The following PTPRD variants were observed in gnomAD, a reference collection of about 807,000 sequenced individuals.
PTPRD encodes the protein receptor-type tyrosine-protein phosphatase delta.
PTPRD carries 34 observed loss-of-function variants against 214.5 expected under a neutral mutation model. That is an observed-to-expected ratio of 0.16 (90% CI 0.12 to 0.21). The LOEUF (loss-of-function observed/expected upper bound fraction) is 0.21. PTPRD is among the 10% of genes least tolerant of loss of function. PTPRD has a pLI of 1.00. For missense variants in PTPRD, 2,545 were observed against 2,398.7 expected (o/e 1.06, Z -1.27); for synonymous variants, 1,128 against 845.7 (o/e 1.33, Z -5.79).
At chr9:9,120,388 G>C (rs2099816487) in intron 10 of PTPRD, among the ~76,000 whole-genome samples, 1 of 152,164 alleles carries the variant, frequency 6.6e-6, no homozygotes, top group Admixed American at 6.6e-5. Context: ...GCTCTAAAAA[G>C]AACCTCCAAG....
intron 11 of PTPRD, among the ~76,000 whole-genome samples, chr9:8,764,038 TA>T (rs1738883365): frequency 6.6e-6 from 1 of 152,204 alleles, no homozygotes; most frequent in African/African-American, 2.4e-5. Flanking sequence ...ATGCAAATAT[TA>T]TAAGTGAAGG....
At chr9:8,511,431 AT>A (rs33920439) in intron 21 of PTPRD, among the ~76,000 whole-genome samples, 181 of 146,622 alleles carry the variant, frequency 1.2e-3, no homozygotes, top group African/African-American at 2.3e-3. Context: ...TCTCACTGGT[AT>A]TTTTTTTTTT....
intron 2 of PTPRD, among the ~76,000 whole-genome samples, chr9:10,527,746 A>G (rs2054750896): frequency 6.6e-6 from 1 of 152,142 alleles, no homozygotes. Flanking sequence ...TTGCTTTCTA[A>G]GTTTATGTAA....
chr9:8,688,292 C>T (rs915860957), intron 12 of PTPRD, among the ~76,000 whole-genome samples: 1 of 152,092 alleles, frequency 6.6e-6, no homozygotes, highest in African/African-American at 2.4e-5. Flanking sequence ...TATAGCCAGG[C>T]GTGGTGGCTG....
At chr9:9,216,712 C>A (rs2099952520) in intron 9 of PTPRD, among the ~76,000 whole-genome samples, 2 of 152,218 alleles carry the variant, frequency 1.3e-5, no homozygotes, top group Admixed American at 6.5e-5. Flanking sequence ...CCTTATCTTT[C>A]TTTTTCTTCT....
intron 3 of PTPRD, among the ~76,000 whole-genome samples, chr9:10,132,047 G>C (rs1564015808): frequency 6.6e-6 from 1 of 152,096 alleles, no homozygotes; most frequent in Non-Finnish European, 1.5e-5. Context: ...AGTAGACAAT[G>C]ATATAGAGTA....
At chr9:9,469,312 C>T (rs1363804180) in intron 8 of PTPRD, among the ~76,000 whole-genome samples, 1 of 152,064 alleles carries the variant, frequency 6.6e-6, no homozygotes, top group African/African-American at 2.4e-5. Context: ...GGATAGTTCT[C>T]ATTTAGAAAT....
At chr9:9,579,788 T>C (rs146992020) in intron 7 of PTPRD, among the ~76,000 whole-genome samples, 3 of 152,258 alleles carry the variant, frequency 2.0e-5, no homozygotes, top group Non-Finnish European at 2.9e-5. Flanking sequence ...GGGCTTTTAG[T>C]ATGTCCTTTA....
At chr9:8,943,603 T>C (rs1588551394) in intron 11 of PTPRD, among the ~76,000 whole-genome samples, 1 of 151,100 alleles carries the variant, frequency 6.6e-6, no homozygotes, top group African/African-American at 2.4e-5. Flanking sequence ...TAACCAATTA[T>C]ATTTAATAAT....
intron 9 of PTPRD, among the ~76,000 whole-genome samples, chr9:9,326,661 G>C (rs2040051621): frequency 6.6e-6 from 1 of 150,736 alleles, no homozygotes; most frequent in South Asian, 2.1e-4. Context: ...TTTTTTAAAT[G>C]AGCAAGTAAG....
At chr9:9,387,753 C>T (rs530448106) in intron 9 of PTPRD, among the ~76,000 whole-genome samples, 7 of 152,242 alleles carry the variant, frequency 4.6e-5, no homozygotes, top group African/African-American at 1.4e-4. Flanking sequence ...CTCACTTCTT[C>T]AGCTCCCCAC....
At position 8,764,193 on chromosome 9, in the gene PTPRD, C is replaced by T. The variant is rs181710199; in HGVS notation, c.-103-30247G>A. Among the ~76,000 whole-genome samples the T allele has an allele frequency of 9.2e-5, 14 of 152,256 alleles. No homozygotes were observed. In the East Asian group the frequency reaches 9.7e-4, roughly 10 times the overall value. The stretch of plus-strand genomic sequence containing the variant: ...ATATGGCATTACATCAGATATGACA[C>T]GTATGTGAAACATGCTTTTTCTTCT... On this transcript the variant is annotated intron_variant, in intron 11 of 45. Coordinates refer to ENST00000381196, the MANE Select transcript of PTPRD (RefSeq NM_002839.4).
chr9:8,976,952 G>A (rs1389665871), intron 11 of PTPRD, among the ~76,000 whole-genome samples: 1 of 151,944 alleles, frequency 6.6e-6, no homozygotes, highest in Non-Finnish European at 1.5e-5. Context: ...TTCTCCATTT[G>A]TCTGTTGGAC....
At chr9:9,505,259 T>A (rs2096542969) in intron 8 of PTPRD, among the ~76,000 whole-genome samples, 2 of 151,666 alleles carry the variant, frequency 1.3e-5, no homozygotes, top group South Asian at 2.1e-4. Flanking sequence ...TTAGATTAAA[T>A]AATTAATCAG....
intron 6 of PTPRD, among the ~76,000 whole-genome samples, chr9:9,757,734 A>G (rs1307802384): frequency 6.6e-6 from 1 of 152,140 alleles, no homozygotes; most frequent in Non-Finnish European, 1.5e-5. Flanking sequence ...ATATAAATAT[A>G]AGAAAGGATA....
chr9:9,607,205 T>A (rs893026149), intron 7 of PTPRD, among the ~76,000 whole-genome samples: 2 of 152,052 alleles, frequency 1.3e-5, no homozygotes, highest in African/African-American at 4.8e-5. Flanking sequence ...TTTGATGACT[T>A]AGAGCATAAG....
At chr9:10,106,368 C>T (rs1016811764) in intron 3 of PTPRD, among the ~76,000 whole-genome samples, 2 of 151,816 alleles carry the variant, frequency 1.3e-5, no homozygotes, top group African/African-American at 4.8e-5. Context: ...TCATTACAGG[C>T]TGAGGTTTAT....
At chr9:8,328,330 A>G (rs774730174) in intron 44 of PTPRD, among the ~76,000 whole-genome samples, 12 of 152,176 alleles carry the variant, frequency 7.9e-5, no homozygotes, top group Non-Finnish European at 1.6e-4. Flanking sequence ...TTCTTTAGGA[A>G]TGTTGAATAT....
intron 12 of PTPRD, among the ~76,000 whole-genome samples, chr9:8,641,262 G>A (rs146895968): frequency 3.4e-5 from 5 of 148,256 alleles, no homozygotes; most frequent in African/African-American, 5.3e-5. Flanking sequence ...GAAAATCTCC[G>A]TTTTTATCCC....
Sources: allele counts gnomAD v4.1 joint callset (sites outside exome capture counted in the v4.1 genomes callset), GRCh38; gene constraint gnomAD v4.1.1; transcripts MANE v1.5; gene names NCBI Gene and HGNC (gene_info 2026-07-23, HGNC 2026-07-21).